Variants in ITGA1 observed in about 807,000 individuals in gnomAD.
The protein encoded by ITGA1 is integrin subunit alpha 1.
ITGA1 carries 85 observed loss-of-function variants against 145.9 expected under a neutral mutation model. That is an observed-to-expected ratio of 0.58 (90% CI 0.49 to 0.70). The LOEUF (loss-of-function observed/expected upper bound fraction) is 0.70. Among genes scored for constraint, ITGA1 ranks in the 30% least tolerant of loss-of-function variants. ITGA1 has a pLI of 0.00. For synonymous variants in ITGA1, 520 were observed against 495.3 expected (o/e 1.05, Z -0.66); for missense variants, 1,351 against 1,418.7 (o/e 0.95, Z 0.77).
intron 6 of ITGA1, among the ~76,000 whole-genome samples, chr5:52,878,179 C>T (rs1202497058): frequency 6.6e-6 from 1 of 152,084 alleles, no homozygotes; most frequent in Non-Finnish European, 1.5e-5. Context: ...CTGGTTTTTT[C>T]AGTCTTTGGG....
intron 15 of ITGA1, among the ~76,000 whole-genome samples, chr5:52,917,013 T>G (rs1402119470): frequency 6.6e-6 from 1 of 152,170 alleles, no homozygotes; most frequent in African/African-American, 2.4e-5. Context: ...GACAGCAGAA[T>G]GGACCAAACC....
intron 6 of ITGA1, among the ~76,000 whole-genome samples, chr5:52,876,533 C>G (rs1447828975): frequency 6.6e-6 from 1 of 152,142 alleles, no homozygotes; most frequent in Non-Finnish European, 1.5e-5. Flanking sequence ...TCCCTCTTCA[C>G]ATTTCCCAGA....
chr5:52,833,764 C>A (rs76957551), intron 1 of ITGA1, among the ~76,000 whole-genome samples: 2,004 of 151,950 alleles, frequency 0.013, 19 homozygotes, highest in South Asian at 0.03. Context: ...AAATGTTTAT[C>A]TAAATTAAAA....
chr5:52,910,959 C>T (rs574812868), intron 14 of ITGA1, among the ~76,000 whole-genome samples: 14 of 127,458 alleles, frequency 1.1e-4, no homozygotes, highest in African/African-American at 3.9e-4. Flanking sequence ...ATAGTATATA[C>T]ACTATATATA....
chr5:52,920,377 G>C lies in ITGA1; in HGVS notation c.2201G>C (p.Arg734Pro). Residue 734 changes from arginine to proline, a missense_variant, in exon 17 of 29, where the codon CGA (arginine) becomes CCA (proline). Transcript: ENST00000282588. ...VTLDSLRQISRSFFSGTQERK... is the reference protein window; with the variant it reads ...VTLDSLRQISPSFFSGTQERK... ...CTAGATTCACTAAGACAAATATCAC[G>C]AAGTTTTTTCTCTGGAACTCAAGAG... 1 of 1,611,242 alleles carries C rather than the reference G, an allele frequency of 6.2e-7. No homozygotes were observed. Among genetic ancestry groups the C allele is most frequent in the Non-Finnish European group, 8.5e-7 (1 of 1,178,744 alleles).
chr5:52,951,918 G>A (rs192593958), intron 28 of ITGA1, among the ~76,000 whole-genome samples: 135 of 152,270 alleles, frequency 8.9e-4, no homozygotes, highest in African/African-American at 2.9e-3. Context: ...GCGGCCCGGC[G>A]CGATGGCTCA....
Position 52,933,935 on chromosome 5 carries a change from C to A in ITGA1, c.2903C>A (p.Thr968Lys). 6.5e-7 allele frequency: 1 copy of A among 1,539,134 alleles called. No homozygotes were observed. The highest frequency in any genetic ancestry group is 1.3e-5 in the South Asian group (1 of 77,132). ...CACATTTCAATTGCTGCCAATGAGA[C>A]AGTCCCTGAAGTTATTAATTCTACT... ...EYHISIAANETVPEVINSTED... is the reference protein window; with the variant it reads ...EYHISIAANEKVPEVINSTED... The change falls in exon 23 of 29, where the codon ACA becomes AAA. Residue 968 changes from threonine to lysine, a missense_variant. Transcript: ENST00000282588.
At chr5:52,920,900 G>GT (rs1422680065) in intron 17 of ITGA1, among the ~76,000 whole-genome samples, 3 of 152,108 alleles carry the variant, frequency 2.0e-5, no homozygotes, top group African/African-American at 7.2e-5. Context: ...TGGGATCCAT[G>GT]TAACTACATA....
intron 14 of ITGA1, among the ~76,000 whole-genome samples, chr5:52,910,885 T>C (rs1295919947): frequency 7.3e-6 from 1 of 137,654 alleles, no homozygotes; most frequent in East Asian, 2.1e-4. Flanking sequence ...ATATGGTATG[T>C]ATACTATATA....
At chr5:52,864,101 C>T (rs1448083107) in intron 3 of ITGA1, 1 of 152,184 alleles carries the variant, frequency 6.6e-6, no homozygotes, top group African/African-American at 2.4e-5. Context: ...TCTTGTTTTT[C>T]CTGTCCAGTC....
intron 1 of ITGA1, among the ~76,000 whole-genome samples, chr5:52,834,581 GAA>G (rs1491405283): frequency 2.7e-5 from 4 of 147,684 alleles, no homozygotes; most frequent in East Asian, 3.9e-4. Flanking sequence ...AAGAAAGAAA[GAA>G]AGAGAGAGAG....
chr5:52,807,493 A>G (rs1054504487), intron 1 of ITGA1, among the ~76,000 whole-genome samples: 2 of 152,194 alleles, frequency 1.3e-5, no homozygotes, highest in African/African-American at 4.8e-5. Context: ...TCCCTCAGCT[A>G]TCACCCTAAA....
intron 1 of ITGA1, chr5:52,802,679 T>G (rs1219854293): frequency 6.6e-6 from 1 of 152,232 alleles, no homozygotes; most frequent in Non-Finnish European, 1.5e-5. Flanking sequence ...CAAAACATGC[T>G]ATATTATTTA....
At chr5:52,890,169 C>A (rs1377366595) in intron 8 of ITGA1, among the ~76,000 whole-genome samples, 1 of 152,156 alleles carries the variant, frequency 6.6e-6, no homozygotes, top group Non-Finnish European at 1.5e-5. Context: ...ACCTGCCTTC[C>A]TCCACCTGGG....
At chr5:52,876,600 C>T (rs1317623754) in intron 6 of ITGA1, among the ~76,000 whole-genome samples, 1 of 152,060 alleles carries the variant, frequency 6.6e-6, no homozygotes, top group Non-Finnish European at 1.5e-5. Flanking sequence ...CTCGGTTTTC[C>T]ATTTGCTTAT....
chr5:52,863,252 T>C (rs548112745), intron 3 of ITGA1, among the ~76,000 whole-genome samples: 11 of 152,356 alleles, frequency 7.2e-5, no homozygotes, highest in African/African-American at 2.6e-4. Context: ...ATTTGAAATA[T>C]ACTCTGCGCA....
At chr5:52,788,738 T>C (rs963930520) in intron 1 of ITGA1, among the ~76,000 whole-genome samples, 25 of 152,180 alleles carry the variant, frequency 1.6e-4, no homozygotes, top group Non-Finnish European at 1.5e-5. Flanking sequence ...TTGCTGAATA[T>C]TTCCTCCCCT....
intron 17 of ITGA1, 27 bp downstream of exon 17, chr5:52,920,495 C>A: frequency 6.5e-7 from 1 of 1,545,968 alleles, no homozygotes; most frequent in African/African-American, 1.4e-5. Context: ...TCGTTGCTGC[C>A]TTATTCCAAA....
chr5:52,845,944 T>G (rs953019612), intron 1 of ITGA1, among the ~76,000 whole-genome samples: 4 of 152,230 alleles, frequency 2.6e-5, no homozygotes, highest in African/African-American at 9.6e-5. Context: ...GGATGTGTTC[T>G]GCAAACTGTG....
Sources: gnomAD v4.1 joint callset for allele counts (sites outside exome capture counted in the v4.1 genomes callset) on GRCh38, gnomAD v4.1.1 for gene constraint, MANE v1.5 for transcripts, NCBI Gene and HGNC (gene_info 2026-07-23, HGNC 2026-07-21) for gene names.